The following CDADC1 variants were observed in gnomAD, a reference collection of about 807,000 sequenced individuals.
CDADC1 encodes cytidine and dCMP deaminase domain containing 1, also known as dCTP deaminase.
In CDADC1, 39 loss-of-function variants were observed where a neutral mutation model predicts 54.9. The observed-to-expected ratio is 0.71, with a 90% CI of 0.55 to 0.93. CDADC1 has a LOEUF of 0.93. Ranked by LOEUF, CDADC1 falls within the 40% of genes least tolerant of loss-of-function variation. The pLI, the probability that CDADC1 is intolerant of heterozygous loss-of-function variation, is 0.00. For synonymous variants in CDADC1, 186 were observed against 204.0 expected (o/e 0.91, Z 0.75); for missense variants, 518 against 618.8 (o/e 0.84, Z 1.73).
At chr13:49,254,236 G>A (rs903140710) in intron 2 of CDADC1, among the ~76,000 whole-genome samples, 1 of 151,956 alleles carries the variant, frequency 6.6e-6, no homozygotes, top group African/African-American at 2.4e-5. Context: ...TTCCTGTTCT[G>A]TCTGAACAGA....
At chr13:49,257,602 C>G (rs1419420042) in intron 3 of CDADC1, among the ~76,000 whole-genome samples, 1 of 152,180 alleles carries the variant, frequency 6.6e-6, no homozygotes, top group Non-Finnish European at 1.5e-5. Context: ...AACCCCATCT[C>G]TACTAAAAAT....
intron 4 of CDADC1, among the ~76,000 whole-genome samples, chr13:49,263,209 C>T (rs1447778342): frequency 1.3e-5 from 2 of 152,138 alleles, no homozygotes; most frequent in Non-Finnish European, 2.9e-5. Flanking sequence ...CTGTCACTTT[C>T]AGATAAACAA....
chr13:49,261,480 G>C (rs1043338902), intron 4 of CDADC1, among the ~76,000 whole-genome samples: 1 of 152,160 alleles, frequency 6.6e-6, no homozygotes, highest in East Asian at 1.9e-4. Flanking sequence ...CCTGTTTGTA[G>C]GTAATGTGGA....
chr13:49,265,779 A>T, intron 4 of CDADC1: 1 of 1,059,792 alleles, frequency 9.4e-7, no homozygotes, highest in Non-Finnish European at 1.2e-6. Context: ...TAAGAGTGTT[A>T]AGGAATCCTG....
At chr13:49,290,543 A>T (rs532755160) in intron 9 of CDADC1, among the ~76,000 whole-genome samples, 1 of 152,304 alleles carries the variant, frequency 6.6e-6, no homozygotes, top group South Asian at 2.1e-4. Context: ...TAGGACAAGG[A>T]AACAGCAGGG....
intron 1 of CDADC1, chr13:49,248,370 G>A (rs1203445415): frequency 4.5e-6 from 2 of 447,860 alleles, no homozygotes; most frequent in Non-Finnish European, 8.0e-6. Context: ...GGGCCTCTGA[G>A]GTCAAAGAGC....
intron 5 of CDADC1, among the ~76,000 whole-genome samples, chr13:49,269,941 A>G (rs1952922016): frequency 6.6e-6 from 1 of 152,218 alleles, no homozygotes; most frequent in Admixed American, 6.5e-5. Flanking sequence ...CTGCTTACGC[A>G]TTTGATGGTC....
intron 2 of CDADC1, among the ~76,000 whole-genome samples, chr13:49,253,587 A>G (rs918352522): frequency 6.6e-6 from 1 of 152,204 alleles, no homozygotes; most frequent in Non-Finnish European, 1.5e-5. Flanking sequence ...TGTTACTAGT[A>G]TATACTACAT....
At chr13:49,248,821 T>C in intron 1 of CDADC1, 50 bp from the exon 2 acceptor site, 13 of 1,201,600 alleles carry the variant, frequency 1.1e-5, no homozygotes, top group Non-Finnish European at 1.6e-5. Context: ...ATTGGCTCCC[T>C]TTTTCACCAT....
intron 8 of CDADC1, among the ~76,000 whole-genome samples, chr13:49,282,044 C>T (rs934079281): frequency 1.3e-5 from 2 of 151,840 alleles, no homozygotes; most frequent in African/African-American, 4.8e-5. Flanking sequence ...TCTTGAACTC[C>T]TGACCTCAGG....
At chr13:49,249,047 T>G in intron 2 of CDADC1, 82 bp downstream of exon 2, 1 of 839,380 alleles carries the variant, frequency 1.2e-6, no homozygotes, top group Non-Finnish European at 2.0e-6. Context: ...CTGTCATACC[T>G]AAAACCAAAC....
chr13:49,274,751 C>G (rs528209025), intron 6 of CDADC1, among the ~76,000 whole-genome samples: 16 of 152,196 alleles, frequency 1.1e-4, no homozygotes, highest in African/African-American at 3.1e-4. Context: ...CAACAGTTTT[C>G]TAGATAGACG....
At chr13:49,254,614 G>A (rs555931975) in intron 2 of CDADC1, among the ~76,000 whole-genome samples, 1 of 152,054 alleles carries the variant, frequency 6.6e-6, no homozygotes, top group Admixed American at 6.6e-5. Context: ...TGTTGGCCAG[G>A]CTGGTCTCGA....
At chr13:49,249,847 T>A (rs1337750671) in intron 2 of CDADC1, among the ~76,000 whole-genome samples, 1 of 152,204 alleles carries the variant, frequency 6.6e-6, no homozygotes, top group African/African-American at 2.4e-5. Context: ...AACAAGGGGC[T>A]AGGTTCTCAT....
At chr13:49,288,258 G>C (rs139406606) in intron 9 of CDADC1, among the ~76,000 whole-genome samples, 271 of 152,250 alleles carry the variant, frequency 1.8e-3, no homozygotes, top group African/African-American at 5.5e-3. Context: ...TTATGTTTAT[G>C]CATTTTTGAA....
At position 49,280,496 on chromosome 13, in the gene CDADC1, A is replaced by AT. The variant is rs541137401; in HGVS notation, c.1221-5dup. ...GAAACGACCTTTCTGATATTTTATA[A>AT]TTTTTTTTGTAGGTGTCAAGAAATA... On this transcript the variant is annotated splice_polypyrimidine_tract_variant and intron_variant, in intron 7 of 9. Coordinates refer to ENST00000251108, the MANE Select transcript of CDADC1 (RefSeq NM_030911.4). 183 of 1,351,600 alleles carry AT rather than the reference A, an allele frequency of 1.4e-4. No homozygotes were observed. Among genetic ancestry groups the AT allele is most frequent in the African/African-American group, 1.3e-3 (87 of 67,404 alleles). 83.7% of individuals were successfully genotyped at this position (1,351,600 alleles called of 1,614,324 possible). A position where few individuals can be genotyped will look rare whatever the true frequency, so the allele number is the denominator to read the frequency against.
At chr13:49,284,118 G>C (rs1392741799) in intron 8 of CDADC1, among the ~76,000 whole-genome samples, 1 of 152,140 alleles carries the variant, frequency 6.6e-6, no homozygotes, top group Non-Finnish European at 1.5e-5. Context: ...AACCAGGCTA[G>C]GACTGGGCAA....
intron 5 of CDADC1, among the ~76,000 whole-genome samples, chr13:49,269,035 A>G (rs1417417454): frequency 6.6e-6 from 1 of 152,234 alleles, no homozygotes; most frequent in Non-Finnish European, 1.5e-5. Context: ...ACTTTTTAAA[A>G]TGCATCTTTG....
chr13:49,248,567 G>T, intron 1 of CDADC1: 1 of 347,926 alleles, frequency 2.9e-6, no homozygotes, highest in Non-Finnish European at 5.3e-6. Flanking sequence ...CGTCAGATGC[G>T]AAGACTTTTC....
Sources: allele counts gnomAD v4.1 joint callset (sites outside exome capture counted in the v4.1 genomes callset), GRCh38; gene constraint gnomAD v4.1.1; transcripts MANE v1.5; gene names NCBI Gene and HGNC (gene_info 2026-07-23, HGNC 2026-07-21).